Variants in FOXP1 observed in about 807,000 individuals in gnomAD.
The protein encoded by FOXP1 is forkhead box protein P1.
FOXP1 carries 15 observed loss-of-function variants against 98.2 expected under a neutral mutation model. The observed-to-expected ratio is 0.15, with a 90% CI of 0.10 to 0.24. FOXP1 has a LOEUF of 0.24. FOXP1 is among the 10% of genes least tolerant of loss of function. The pLI, the probability that FOXP1 is intolerant of heterozygous loss-of-function variation, is 1.00. For synonymous variants in FOXP1, 371 were observed against 314.5 expected (o/e 1.18, Z -1.90); for missense variants, 633 against 848.5 (o/e 0.75, Z 3.15).
chr3:71,027,015 A>G (rs1187100603), intron 11 of FOXP1, among the ~76,000 whole-genome samples: 1 of 152,224 alleles, frequency 6.6e-6, no homozygotes, highest in Non-Finnish European at 1.5e-5. Context: ...TTTGTAACTA[A>G]AAGTTTACCA....
chr3:71,028,254 T>G, intron 11 of FOXP1, among the ~76,000 whole-genome samples: 1 of 152,238 alleles, frequency 6.6e-6, no homozygotes, highest in Non-Finnish European at 1.5e-5. Flanking sequence ...TTTTCCTAAG[T>G]AATGGTAATC....
At chr3:71,017,918 C>T (rs953930117) in intron 11 of FOXP1, among the ~76,000 whole-genome samples, 1 of 152,090 alleles carries the variant, frequency 6.6e-6, no homozygotes, top group African/African-American at 2.4e-5. Context: ...ACATGCCGAG[C>T]ACACTCTTAG....
intron 3 of FOXP1, among the ~76,000 whole-genome samples, chr3:71,448,694 T>C (rs113551945): frequency 2.1e-4 from 32 of 152,350 alleles, no homozygotes; most frequent in African/African-American, 7.0e-4. Context: ...TAGTAGGTAA[T>C]GGTGGTAGTG....
chr3:70,965,989 T>A lies in FOXP1; in HGVS notation c.1790A>T (p.Asn597Ile). Residue 597 changes from asparagine (N) to isoleucine (I), a missense_variant, in exon 20 of 21, where the codon AAC becomes ATC. Asn to Ile is a moderately radical substitution (Grantham distance 149). Coordinates refer to ENST00000649528, the MANE Select transcript of FOXP1 (RefSeq NM_001349338.3). ...TASMGNPTLG[N>I]LASAIREELN... is the part of the protein sequence containing the mutation. The stretch of plus-strand genomic sequence containing the variant: ...CTCTTCCCGTATTGCGCTGGCTAAG[T>A]TGCCCAGAGTGGGATTTCCCATGGA... The A allele has an allele frequency of 6.2e-7, 1 of 1,614,172 alleles. No individual in the cohort carries two copies. The highest frequency in any genetic ancestry group is 8.5e-7 in the Non-Finnish European group (1 of 1,180,026).
intron 9 of FOXP1, among the ~76,000 whole-genome samples, chr3:71,049,853 C>T (rs1316392033): frequency 6.6e-6 from 1 of 152,124 alleles, no homozygotes; most frequent in Non-Finnish European, 1.5e-5. Context: ...GAGACTGGTC[C>T]CTACCTCAGG....
At position 71,317,186 on chromosome 3, in the gene FOXP1, T is replaced by C. The variant is rs534727064; in HGVS notation, c.-72-17306A>G. Among the ~76,000 whole-genome samples, 10 of 152,262 alleles carry C rather than the reference T, an allele frequency of 6.6e-5. No homozygotes were observed. The East Asian group carries it at 1.5e-3, about 23-fold the overall frequency. The stretch of plus-strand genomic sequence containing the variant: ...TGTGTTCCAAATTTCCACCAGAGAG[T>C]TGAAGCATTATACATGCTAAAATAT... On this transcript the variant is annotated intron_variant, in intron 4 of 20. Transcript: ENST00000649528.
intron 3 of FOXP1, among the ~76,000 whole-genome samples, chr3:71,468,697 C>T (rs921198748): frequency 1.3e-5 from 2 of 152,190 alleles, no homozygotes; most frequent in African/African-American, 4.8e-5. Flanking sequence ...AATCCCTACC[C>T]TTTCCTTGTT....
rs112788133 is a variant in FOXP1, at chr3:71,314,532, T to A, written c.-72-14652A>T. On this transcript the variant is annotated intron_variant, in intron 4 of 20. Coordinates refer to ENST00000649528, the MANE Select transcript of FOXP1 (RefSeq NM_001349338.3). ...ACAGAGTAAGACTCCGTCTAAAAAA[T>A]ATATATATATATATATATATCTGGC... 4.8e-3 allele frequency among the ~76,000 whole-genome samples: 695 copies of A among 144,374 alleles called. 7 individuals carry two copies. The highest frequency in any genetic ancestry group is 0.02 in the South Asian group (92 of 4,618). 94.7% of individuals were successfully genotyped at this position (144,374 alleles called of 152,430 possible).
chr3:71,109,774 C>A (rs928653363), intron 7 of FOXP1, among the ~76,000 whole-genome samples: 1 of 152,108 alleles, frequency 6.6e-6, no homozygotes, highest in African/African-American at 2.4e-5. Flanking sequence ...GGCCAGCCAA[C>A]CTAATAAAGC....
intron 14 of FOXP1, among the ~76,000 whole-genome samples, chr3:70,986,077 G>A (rs1390290356): frequency 1.3e-5 from 2 of 152,110 alleles, no homozygotes; most frequent in Non-Finnish European, 2.9e-5. Context: ...TTTAGTAGGA[G>A]GTCCCCTTCA....
intron 2 of FOXP1, among the ~76,000 whole-genome samples, chr3:71,569,423 G>A (rs1335377450): frequency 6.6e-6 from 1 of 152,120 alleles, no homozygotes; most frequent in Non-Finnish European, 1.5e-5. Context: ...AGACCATTTG[G>A]TCCTTATAGT....
chr3:71,087,496 A>G (rs1361063499), intron 7 of FOXP1, among the ~76,000 whole-genome samples: 1 of 152,232 alleles, frequency 6.6e-6, no homozygotes, highest in Admixed American at 6.5e-5. Flanking sequence ...TCAGTGCATC[A>G]CAAAATGACA....
At chr3:71,158,337 T>C (rs527733163) in intron 6 of FOXP1, among the ~76,000 whole-genome samples, 2 of 151,996 alleles carry the variant, frequency 1.3e-5, no homozygotes, top group East Asian at 3.9e-4. Context: ...AAGACACAAG[T>C]AGATGATATA....
chr3:71,446,686 G>A (rs1476568781), intron 3 of FOXP1, among the ~76,000 whole-genome samples: 2 of 152,218 alleles, frequency 1.3e-5, no homozygotes, highest in African/African-American at 4.8e-5. Context: ...AAAATTATAT[G>A]CCTCGTAATT....
chr3:71,474,281 A>G (rs2089621582), intron 3 of FOXP1, among the ~76,000 whole-genome samples: 1 of 152,216 alleles, frequency 6.6e-6, no homozygotes, highest in African/African-American at 2.4e-5. Flanking sequence ...AGAAAAGAAG[A>G]GTAGAGTGCA....
intron 3 of FOXP1, among the ~76,000 whole-genome samples, chr3:71,424,035 CT>C (rs1175787985): frequency 4.8e-4 from 73 of 152,320 alleles, no homozygotes; most frequent in African/African-American, 1.7e-3. Flanking sequence ...TTCAAGTGGT[CT>C]TCCCGCCTCA....
chr3:71,389,262 G>A (rs1175097389), intron 3 of FOXP1, among the ~76,000 whole-genome samples: 6 of 75,636 alleles, frequency 7.9e-5, no homozygotes, highest in Non-Finnish European at 2.8e-5. Context: ...GCCGGGGGGG[G>A]CGGGTTATAA....
At chr3:71,121,156 C>A (rs370722407) in intron 6 of FOXP1, among the ~76,000 whole-genome samples, 1 of 151,568 alleles carries the variant, frequency 6.6e-6, no homozygotes, top group South Asian at 2.1e-4. Flanking sequence ...TGCCATCCTG[C>A]GCACCAACTA....
intron 6 of FOXP1, among the ~76,000 whole-genome samples, chr3:71,155,709 G>A (rs1362569998): frequency 6.6e-6 from 1 of 152,182 alleles, no homozygotes; most frequent in East Asian, 1.9e-4. Flanking sequence ...CTTCCCCTCA[G>A]CTACAATCTA....
Sources: allele counts gnomAD v4.1 joint callset (sites outside exome capture counted in the v4.1 genomes callset), GRCh38; gene constraint gnomAD v4.1.1; transcripts MANE v1.5; gene names NCBI Gene and HGNC (gene_info 2026-07-23, HGNC 2026-07-21).